Variants in B4GALNT3 observed in about 807,000 individuals in gnomAD.
B4GALNT3 encodes beta-1,4-N-acetyl-galactosaminyltransferase 3.
Under a neutral mutation model 120.2 loss-of-function variants are expected in B4GALNT3, and 86 were observed. The observed-to-expected ratio is 0.72, with a 90% confidence interval of 0.60 to 0.86. B4GALNT3 has a LOEUF of 0.86. Among genes scored for constraint, B4GALNT3 ranks in the 40% least tolerant of loss-of-function variants. The probability of loss-of-function intolerance (pLI) is 0.00; values close to 1 mark genes in which losing one functional copy is unlikely to be tolerated. For missense variants in B4GALNT3, 1,167 were observed against 1,298.9 expected (o/e 0.90, Z 1.56); for synonymous variants, 518 against 510.4 (o/e 1.01, Z -0.20).
At chr12:476,152 C>A (rs142387871) in intron 1 of B4GALNT3, among the ~76,000 whole-genome samples, 2 of 152,314 alleles carry the variant, frequency 1.3e-5, no homozygotes, top group East Asian at 3.9e-4. Flanking sequence ...TATTATTGAG[C>A]CTCAATATGT....
chr12:550,396 G>A lies in B4GALNT3; in HGVS notation c.997+484G>A, dbSNP rs4991139. 0.13 allele frequency among the ~76,000 whole-genome samples: 19,703 copies of A among 152,092 alleles called. 1,566 individuals carry two copies. Among genetic ancestry groups the A allele is most frequent in the Admixed American group, 0.25 (3,766 of 15,266 alleles). ...CCTGGCACTTTGGGATGCTGAGGTG[G>A]GAGGATCGCTTGAGCCCAGGAGGTT... On this transcript the variant is annotated intron_variant, in intron 10 of 19. Coordinates refer to ENST00000266383, the MANE Select transcript of B4GALNT3 (RefSeq NM_173593.4). This position sits in a 1 kb window ranked among gnomAD's most constrained non-coding sequence, Gnocchi z 4.1.
intron 1 of B4GALNT3, among the ~76,000 whole-genome samples, chr12:526,571 A>G (rs1946761029): frequency 6.6e-6 from 1 of 152,182 alleles, no homozygotes; most frequent in Non-Finnish European, 1.5e-5. Flanking sequence ...ACCCCATTGT[A>G]TCAAGGGTCT....
At chr12:472,763 T>C (rs990491912) in intron 1 of B4GALNT3, among the ~76,000 whole-genome samples, 5 of 151,974 alleles carry the variant, frequency 3.3e-5, no homozygotes, top group African/African-American at 1.2e-4. Flanking sequence ...AAAATTTTCT[T>C]TGTAGAGACA....
intron 1 of B4GALNT3, among the ~76,000 whole-genome samples, chr12:472,342 A>G (rs1040751772): frequency 1.3e-5 from 2 of 152,220 alleles, no homozygotes; most frequent in East Asian, 1.9e-4. Context: ...GTTTGGTGGC[A>G]TGATCATGGC....
intron 1 of B4GALNT3, among the ~76,000 whole-genome samples, chr12:511,812 T>TTGAC (rs1946571376): frequency 4.8e-5 from 1 of 20,626 alleles, no homozygotes; most frequent in Non-Finnish European, 1.1e-4. Flanking sequence ...TCTTCCACCT[T>TTGAC]CTTCCACCTT....
chr12:533,731 C>G (rs1946830364), intron 1 of B4GALNT3, among the ~76,000 whole-genome samples: 1 of 152,272 alleles, frequency 6.6e-6, no homozygotes, highest in East Asian at 1.9e-4. Context: ...TTAGAAGGTT[C>G]AGATGAAATC....
At chr12:544,760 T>C in intron 4 of B4GALNT3, 122 bp from the exon 5 acceptor site, 1 of 957,532 alleles carries the variant, frequency 1.0e-6, no homozygotes, top group Non-Finnish European at 1.6e-6. Context: ...TGCACTCCAC[T>C]CACAAAGCCA....
At chr12:461,755 G>A (rs1188064553) in intron 1 of B4GALNT3, among the ~76,000 whole-genome samples, 2 of 152,186 alleles carry the variant, frequency 1.3e-5, no homozygotes, top group African/African-American at 2.4e-5. Flanking sequence ...AGGGACAGTC[G>A]CTGAGCTGGT....
At chr12:519,717 T>G in intron 1 of B4GALNT3, among the ~76,000 whole-genome samples, 1 of 152,066 alleles carries the variant, frequency 6.6e-6, no homozygotes, top group East Asian at 1.9e-4. Context: ...ACCTTGTTGA[T>G]GTGTTGGTTC....
chr12:555,807 C>T (rs145138730), intron 14 of B4GALNT3, among the ~76,000 whole-genome samples: 1,681 of 150,278 alleles, frequency 0.011, 34 homozygotes, highest in African/African-American at 0.038. Flanking sequence ...TTTTTTGAGA[C>T]GGAGTCTCGC....
At chr12:494,994 C>T (rs1694169737) in intron 1 of B4GALNT3, among the ~76,000 whole-genome samples, 1 of 152,200 alleles carries the variant, frequency 6.6e-6, no homozygotes, top group African/African-American at 2.4e-5. Flanking sequence ...CTTGTTCTGG[C>T]TCTGCATAGC....
chr12:546,853 T>G, intron 7 of B4GALNT3, 140 bp downstream of exon 7: 1 of 802,848 alleles, frequency 1.2e-6, no homozygotes. Context: ...ACCGGGTCTT[T>G]GGCTCAGAAG....
intron 1 of B4GALNT3, among the ~76,000 whole-genome samples, chr12:519,953 A>G (rs956242913): frequency 2.6e-5 from 4 of 152,010 alleles, no homozygotes; most frequent in African/African-American, 9.7e-5. Context: ...CCCTCTTGTT[A>G]TGTCCTCTGT....
chr12:543,044 T>C (rs1946937366), intron 3 of B4GALNT3: 1 of 1,191,964 alleles, frequency 8.4e-7, no homozygotes. Context: ...TAGTTCCCTG[T>C]CCTCTCAGCT....
chr12:511,321 G>GCCTTCCACCTTCCACCTT (rs1367072143), intron 1 of B4GALNT3, among the ~76,000 whole-genome samples: 5 of 15,388 alleles, frequency 3.2e-4, no homozygotes, highest in Admixed American at 7.5e-4. Context: ...TCCGCCTTCT[G>GCCTTCCACCTTCCACCTT]CCTTCCACCT....
chr12:516,589 TGA>T (rs1027038780), intron 1 of B4GALNT3, among the ~76,000 whole-genome samples: 3 of 152,204 alleles, frequency 2.0e-5, no homozygotes, highest in African/African-American at 7.2e-5. Flanking sequence ...GGAATATTTT[TGA>T]GAGTGAAAGC....
intron 1 of B4GALNT3, among the ~76,000 whole-genome samples, chr12:517,399 G>C (rs185687114): frequency 7.6e-4 from 116 of 152,182 alleles, no homozygotes; most frequent in African/African-American, 2.6e-3. Context: ...TGTGATTTAG[G>C]GGGAGGGAGG....
intron 1 of B4GALNT3, among the ~76,000 whole-genome samples, chr12:473,962 A>G (rs1430713067): frequency 6.6e-6 from 1 of 152,234 alleles, no homozygotes; most frequent in Admixed American, 6.5e-5. Context: ...CCTAAGACAG[A>G]TAACTCAGGG....
chr12:462,700 T>C (rs532930990), intron 1 of B4GALNT3, among the ~76,000 whole-genome samples: 2 of 152,208 alleles, frequency 1.3e-5, no homozygotes, highest in African/African-American at 4.8e-5. Flanking sequence ...AATTCATCTA[T>C]TGTGCAGGGT....
Sources: gnomAD v4.1 joint callset for allele counts (sites outside exome capture counted in the v4.1 genomes callset) on GRCh38, gnomAD v4.1.1 for gene constraint, Gnocchi (gnomAD v3.1) non-coding constraint, MANE v1.5 for transcripts, NCBI Gene and HGNC (gene_info 2026-07-23, HGNC 2026-07-21) for gene names.